The following ZNF573 variants were observed in gnomAD, a reference collection of about 807,000 sequenced individuals.
ZNF573 encodes zinc finger protein 573.
Under a neutral mutation model 57.4 loss-of-function variants are expected in ZNF573, and 41 were observed. The ratio of observed to expected loss-of-function variants is 0.71; its 90% CI spans 0.56 to 0.93. The LOEUF (loss-of-function observed/expected upper bound fraction) is 0.93, where lower values mean the gene tolerates loss of function less well. Ranked by LOEUF, ZNF573 falls within the 40% of genes least tolerant of loss-of-function variation. The probability of loss-of-function intolerance (pLI) is 0.00; values close to 1 mark genes in which losing one functional copy is unlikely to be tolerated. For missense variants in ZNF573, 730 were observed against 794.8 expected, an observed-to-expected ratio of 0.92 and a Z score of 0.98; for synonymous variants, 249 against 261.0, an observed-to-expected ratio of 0.95 and a Z score of 0.44.
At chr19:37,749,076 A>G (rs563216105) in intron 4 of ZNF573, among the ~76,000 whole-genome samples, 2 of 152,180 alleles carry the variant, frequency 1.3e-5, no homozygotes, top group South Asian at 4.1e-4. Flanking sequence ...CATTACTATT[A>G]TAATAATATT....
At position 37,739,840 on chromosome 19, in the gene ZNF573, G is replaced by C; in HGVS notation, c.650C>G (p.Thr217Ser). ...VHQRFHTGEK[T>S]YECRQCGKAF... ...CTTCCCACACTGCCTACATTCATAG[G>C]TTTTCTCACCAGTATGAAATCTCTG... Residue 217 changes from threonine to serine, a missense_variant, in exon 5 of 5, where the codon ACC becomes AGC. Physicochemically the swap from Thr to Ser is moderately conservative, Grantham distance 58. Coordinates refer to ENST00000536220, the MANE Select transcript of ZNF573 (RefSeq NM_001172690.2). 6.2e-7 allele frequency: 1 copy of C among 1,613,896 alleles called. No homozygotes were observed. The highest frequency in any genetic ancestry group is 8.5e-7 in the Non-Finnish European group (1 of 1,179,938).
At chr19:37,745,623 T>C (rs1049724840) in intron 4 of ZNF573, among the ~76,000 whole-genome samples, 2 of 151,742 alleles carry the variant, frequency 1.3e-5, no homozygotes, top group Non-Finnish European at 2.9e-5. Context: ...CTGAAACTCC[T>C]GAACTCAAAT....
At position 37,738,949 on chromosome 19, in the gene ZNF573, T is replaced by TTAAGA; in HGVS notation, c.1536_1540dup (p.Asn514IlefsTer12). On this transcript the variant is annotated frameshift_variant, in exon 5 of 5. Transcript: ENST00000536220. LOFTEE classifies it high-confidence loss of function. The stretch of plus-strand genomic sequence containing the variant: ...ACCAGTATGAATTTTCTGATGTTGA[T>TTAAGA]TAAGATATCCATGCAAGCTAAAGGT... 9.3e-6 allele frequency: 15 copies of TTAAGA among 1,610,898 alleles called. No individual in the cohort carries two copies. Among genetic ancestry groups the TTAAGA allele is most frequent in the Non-Finnish European group, 1.3e-5 (15 of 1,177,244 alleles).
chr19:37,772,925 G>A (rs554586818), intron 2 of ZNF573: 12 of 984,906 alleles, frequency 1.2e-5, no homozygotes, highest in African/African-American at 8.7e-5. Context: ...ATGAGCCACC[G>A]TAGCTAGCCT....
At chr19:37,771,504 G>A (rs1334774612) in intron 3 of ZNF573, 60 bp downstream of exon 3, 5 of 1,550,124 alleles carry the variant, frequency 3.2e-6, no homozygotes, top group Non-Finnish European at 2.6e-6. Context: ...GAAATTCATT[G>A]TGTTGAAAGG....
intron 4 of ZNF573, among the ~76,000 whole-genome samples, chr19:37,747,585 C>A (rs1023625005): frequency 1.3e-5 from 2 of 152,080 alleles, no homozygotes; most frequent in East Asian, 3.9e-4. Context: ...AAAAATAGTA[C>A]ATTTGGAGTG....
chr19:37,766,137 T>C (rs959019946), intron 4 of ZNF573, among the ~76,000 whole-genome samples: 10 of 152,230 alleles, frequency 6.6e-5, no homozygotes, highest in African/African-American at 1.9e-4. Context: ...TAAAAAATTG[T>C]TTATATTTGT....
In ZNF573 at chr19:37,773,720, C is replaced by T. The variant is rs1279486739; in HGVS notation, c.10G>A (p.Val4Ile). 2 of 1,535,526 alleles carry T rather than the reference C, an allele frequency of 1.3e-6. No homozygotes were observed. Among genetic ancestry groups the T allele is most frequent in the East Asian group, 2.4e-5 (1 of 40,864 alleles). Residue 4 changes from valine (V) to isoleucine (I), a missense_variant, in exon 2 of 5, where the codon GTA becomes ATA. Physicochemically the swap from Val to Ile is conservative, Grantham distance 29 (BLOSUM62 3). Coordinates refer to ENST00000536220, the MANE Select transcript of ZNF573 (RefSeq NM_001172690.2). ...AGTCCTACTTGGTGGGGTTCCAATACTGGAAACATTCAAACTCCAGAGAAT... is the reference window on the plus strand; with the variant it reads ...AGTCCTACTTGGTGGGGTTCCAATATTGGAAACATTCAAACTCCAGAGAAT... MFPVLEPHQVGLIR... is the reference protein window; with the variant it reads MFPILEPHQVGLIR...
chr19:37,738,628 CGACT>C lies in ZNF573; in HGVS notation c.1858_1861del (p.Ser620ValfsTer43), dbSNP rs1568413287. ...CTCATGTTGAACAAGGTTTGAAGCA[CGACT>C]GAAGGCCTTCCCACATTCTTTACAT... On this transcript the variant is annotated frameshift_variant, in exon 5 of 5. Transcript: ENST00000536220. LOFTEE classifies it high-confidence loss of function. The C allele has an allele frequency of 1.9e-6, 3 of 1,611,834 alleles. No individual in the cohort carries two copies. The highest frequency in any genetic ancestry group is 2.5e-6 in the Non-Finnish European group (3 of 1,178,932).
At chr19:37,754,775 T>C (rs1016908667) in intron 4 of ZNF573, among the ~76,000 whole-genome samples, 2 of 151,526 alleles carry the variant, frequency 1.3e-5, no homozygotes, top group African/African-American at 2.4e-5. Context: ...GGGAACAAAT[T>C]ACAAAATAGA....
At chr19:37,741,419 C>T (rs1317499533) in intron 4 of ZNF573, among the ~76,000 whole-genome samples, 1 of 152,170 alleles carries the variant, frequency 6.6e-6, no homozygotes, top group African/African-American at 2.4e-5. Context: ...ATGCACAACA[C>T]CACACCTGGC....
At position 37,770,832 on chromosome 19, in the gene ZNF573, TTATATA is replaced by T. The variant is rs58757674; in HGVS notation, c.202+726_202+731del. Among the ~76,000 whole-genome samples the T allele has an allele frequency of 2.8e-3, 258 of 93,724 alleles. 5 individuals are homozygous for T. The highest frequency in any genetic ancestry group is 0.022 in the South Asian group (68 of 3,032). 61.5% of individuals were successfully genotyped at this position (93,724 alleles called of 152,430 possible). ...ACAGTTCTTTCAGGATTAAGTTATT[TTATATA>T]TATATATATATATATATATATATAT... On this transcript the variant is annotated intron_variant, in intron 3 of 4. Coordinates refer to ENST00000536220, the MANE Select transcript of ZNF573 (RefSeq NM_001172690.2).
At chr19:37,754,202 G>A (rs1217593657) in intron 4 of ZNF573, among the ~76,000 whole-genome samples, 2 of 152,146 alleles carry the variant, frequency 1.3e-5, no homozygotes, top group Non-Finnish European at 2.9e-5. Context: ...GGAAAAGACT[G>A]TCATTTAAAG....
chr19:37,740,970 A>T (rs928568246), intron 4 of ZNF573, among the ~76,000 whole-genome samples: 1 of 152,236 alleles, frequency 6.6e-6, no homozygotes, highest in Non-Finnish European at 1.5e-5. Flanking sequence ...AAAAGCCTGT[A>T]TGTGGTCAGT....
intron 4 of ZNF573, among the ~76,000 whole-genome samples, chr19:37,768,161 A>G (rs1039798885): frequency 1.3e-5 from 2 of 152,192 alleles, no homozygotes; most frequent in African/African-American, 4.8e-5. Context: ...AACTTGTAAG[A>G]CTCAGTAAGC....
intron 4 of ZNF573, chr19:37,758,352 G>A (rs1362416462): frequency 2.0e-5 from 3 of 146,678 alleles, no homozygotes; most frequent in African/African-American, 2.5e-5. Flanking sequence ...TGTAATCCCA[G>A]CACTTTGGGA....
At position 37,740,156 on chromosome 19, in the gene ZNF573, C is replaced by A. The variant is rs760924543; in HGVS notation, c.334G>T (p.Val112Leu). The change falls in exon 5 of 5, where the codon GTA becomes TTA. Residue 112 changes from valine to leucine, a missense_variant. By Grantham distance (32) the Val-to-Leu change is conservative. Transcript: ENST00000536220. ...LQCEIISYIEVPTYETDISST... is the reference protein window; with the variant it reads ...LQCEIISYIELPTYETDISST... ...GATATATCTGTTTCATAAGTGGGTA[C>A]TTCTATGTAGCTGATTATCTCACAC... 2 of 1,601,296 alleles carry A rather than the reference C, an allele frequency of 1.2e-6. No individual in the cohort carries two copies. The highest frequency in any genetic ancestry group is 1.7e-6 in the Non-Finnish European group (2 of 1,173,200).
At chr19:37,770,832 TTATATATATATA>T (rs58757674) in intron 3 of ZNF573, among the ~76,000 whole-genome samples, 15,269 of 93,614 alleles carry the variant, frequency 0.16, 1,774 homozygotes, top group East Asian at 0.33. Context: ...TTAAGTTATT[TTATATATATATA>T]TATATATATA....
chr19:37,759,379 T>C (rs760299318), intron 4 of ZNF573, among the ~76,000 whole-genome samples: 6 of 152,082 alleles, frequency 3.9e-5, no homozygotes, highest in African/African-American at 1.4e-4. Flanking sequence ...AATACAAACA[T>C]AGATTTAGTT....
Sources: gnomAD v4.1 joint callset for allele counts (sites outside exome capture counted in the v4.1 genomes callset) on GRCh38, gnomAD v4.1.1 for gene constraint, MANE v1.5 for transcripts, NCBI Gene and HGNC (gene_info 2026-07-23, HGNC 2026-07-21) for gene names.